The following AS3MT variants were observed in gnomAD, a reference collection of about 807,000 sequenced individuals.
The protein encoded by AS3MT is S-adenosyl-L-methionine:arsenic(III) methyltransferase.
In AS3MT, 47 loss-of-function variants were observed where a neutral mutation model predicts 45.3. The ratio of observed to expected loss-of-function variants is 1.04; its 90% CI spans 0.82 to 1.32. The LOEUF (loss-of-function observed/expected upper bound fraction) is 1.32. Among genes scored for constraint, AS3MT ranks in the 40% most tolerant of loss-of-function variants. AS3MT has a pLI of 0.00. For missense variants in AS3MT, 396 were observed against 451.1 expected (o/e 0.88, Z 1.11); for synonymous variants, 141 against 152.8 (o/e 0.92, Z 0.57).
rs1448414240 is a variant in AS3MT, at chr10:102,888,875, A to ATTTTTTT, written c.886-1668_886-1667insTTTTTTT. 1.9e-3 allele frequency among the ~76,000 whole-genome samples: 132 copies of ATTTTTTT among 70,000 alleles called. 2 individuals are homozygous for ATTTTTTT. Among genetic ancestry groups the ATTTTTTT allele is most frequent in the African/African-American group, 6.4e-3 (111 of 17,264 alleles). The allele number at this position is 70,000 out of a possible 152,430, so 45.9% of individuals were successfully genotyped here. A position where few individuals can be genotyped will look rare whatever the true frequency, so the allele number is the denominator to read the frequency against. On this transcript the variant is annotated intron_variant, in intron 9 of 10. Transcript: ENST00000369880. ...CCTATATATATATATATATATATAT[A>ATTTTTTT]TATATATTTTTTTTTTTTTTTTTGA... is the stretch of plus-strand genomic sequence containing the variant.
chr10:102,874,130 G>A (rs959889076), intron 5 of AS3MT, among the ~76,000 whole-genome samples: 4 of 152,136 alleles, frequency 2.6e-5, no homozygotes, highest in Non-Finnish European at 5.9e-5. Flanking sequence ...GCACATGCCT[G>A]TAATCCCAGC....
At chr10:102,897,224 A>C (rs1015675401) in intron 10 of AS3MT, among the ~76,000 whole-genome samples, 1 of 151,480 alleles carries the variant, frequency 6.6e-6, no homozygotes, top group African/African-American at 2.4e-5. Context: ...CTCTACTAAA[A>C]ATACAAAAAA....
chr10:102,876,552 A>G (rs961981071), intron 6 of AS3MT, among the ~76,000 whole-genome samples: 3 of 152,134 alleles, frequency 2.0e-5, no homozygotes, highest in Non-Finnish European at 4.4e-5. Context: ...CATTGGGATT[A>G]GAGGCCTGAG....
chr10:102,876,941 G>A lies in AS3MT; in HGVS notation c.529-13G>A. ...TTAATCATCTTGTTTGGACTAATAT[G>A]CCTCTGTTTCAGCATGGTGGGGAGT... On this transcript the variant is annotated splice_polypyrimidine_tract_variant and intron_variant, in intron 6 of 10. Transcript: ENST00000369880. The A allele has an allele frequency of 1.2e-6, 2 of 1,613,192 alleles. No individual in the cohort carries two copies. The highest frequency in any genetic ancestry group is 1.3e-5 in the African/African-American group (1 of 75,024).
intron 10 of AS3MT, among the ~76,000 whole-genome samples, chr10:102,890,918 G>T (rs1354691646): frequency 6.6e-6 from 1 of 152,042 alleles, no homozygotes; most frequent in African/African-American, 2.4e-5. Flanking sequence ...TCGCCATGTT[G>T]GCCAGGCTGG....
chr10:102,882,267 G>A (rs945484347), intron 9 of AS3MT, among the ~76,000 whole-genome samples: 2 of 151,204 alleles, frequency 1.3e-5, no homozygotes, highest in Non-Finnish European at 3.0e-5. Context: ...GCCCAGGCTG[G>A]TCTTGAACTC....
chr10:102,890,530 A>G lies in AS3MT; in HGVS notation c.886-14A>G. On this transcript the variant is annotated splice_polypyrimidine_tract_variant and intron_variant, in intron 9 of 10. Coordinates refer to ENST00000369880, the MANE Select transcript of AS3MT (RefSeq NM_020682.4). Reference sequence around the variant, plus strand: ...GTTGCAACTCTTAGTATTTTTTTTTATACTACCCTTTAGGAAGGTGAAATT... The same window carrying G: ...GTTGCAACTCTTAGTATTTTTTTTTGTACTACCCTTTAGGAAGGTGAAATT... 6.4e-7 allele frequency: 1 copy of G among 1,566,450 alleles called. No individual in the cohort carries two copies. Among genetic ancestry groups the G allele is most frequent in the Non-Finnish European group, 8.6e-7 (1 of 1,162,982 alleles).
rs1845055455 is a variant in AS3MT at position 102,890,671 on chromosome 10, A to G, written c.1013A>G (p.Glu338Gly). The part of the protein sequence containing the change: ...LPTSGGCSAL[E>G]LKDIITDPFK... ...ACATCTGGAGGCTGTTCTGCTTTGGAGTTAAAGGTTAGTTTGGCTTTCACT... is the reference window on the plus strand; with the variant it reads ...ACATCTGGAGGCTGTTCTGCTTTGGGGTTAAAGGTTAGTTTGGCTTTCACT... Residue 338 changes from glutamate (E) to glycine (G), a missense_variant, in exon 10 of 11, where the codon GAG (glutamate) becomes GGG (glycine). By Grantham distance (98) the Glu-to-Gly change is moderately conservative. Transcript: ENST00000369880. 6.2e-7 allele frequency: 1 copy of G among 1,608,032 alleles called. No individual in the cohort carries two copies. The highest frequency in any genetic ancestry group is 8.5e-7 in the Non-Finnish European group (1 of 1,178,418).
At chr10:102,884,667 C>T (rs1484034093) in intron 9 of AS3MT, among the ~76,000 whole-genome samples, 1 of 152,078 alleles carries the variant, frequency 6.6e-6, no homozygotes, top group Non-Finnish European at 1.5e-5. Flanking sequence ...CTGTCTCAGC[C>T]TCCTGAGTAG....
intron 6 of AS3MT, among the ~76,000 whole-genome samples, 154 bp from the exon 7 acceptor site, chr10:102,876,800 A>T: frequency 6.6e-6 from 1 of 152,220 alleles, no homozygotes. Context: ...ATTGATTGTA[A>T]CTAAAGAGGC....
chr10:102,872,306 C>A, intron 3 of AS3MT, 142 bp from the exon 4 acceptor site: 2 of 857,092 alleles, frequency 2.3e-6, no homozygotes, highest in South Asian at 1.6e-5. Flanking sequence ...GACTAAACAT[C>A]AGAAGTATGA....
chr10:102,877,123 T>G (rs1844795663), intron 7 of AS3MT, 88 bp downstream of exon 7: 1 of 1,253,210 alleles, frequency 8.0e-7, no homozygotes, highest in Admixed American at 1.7e-5. Flanking sequence ...TGAGGCTATA[T>G]GAGATCACAT....
intron 9 of AS3MT, chr10:102,888,016 G>T: frequency 6.3e-6 from 1 of 157,790 alleles, no homozygotes; most frequent in South Asian, 1.9e-4. Context: ...AAGTCACAGT[G>T]ATCTTGCTGT....
intron 5 of AS3MT, among the ~76,000 whole-genome samples, chr10:102,874,256 G>GAA (rs751101745): frequency 7.1e-6 from 1 of 140,016 alleles, no homozygotes; most frequent in Non-Finnish European, 1.6e-5. Flanking sequence ...ATCCTCTCGG[G>GAA]AAAAAAAAAA....
intron 9 of AS3MT, among the ~76,000 whole-genome samples, chr10:102,885,076 C>G (rs1165512347): frequency 6.6e-6 from 1 of 152,058 alleles, no homozygotes; most frequent in Non-Finnish European, 1.5e-5. Context: ...CCATCGAACA[C>G]TAGGTCTTAT....
At chr10:102,889,685 C>T (rs933762108) in intron 9 of AS3MT, among the ~76,000 whole-genome samples, 5 of 144,188 alleles carry the variant, frequency 3.5e-5, no homozygotes, top group Admixed American at 1.4e-4. Flanking sequence ...CCACCCCCCC[C>T]GCCCCTTTCA....
intron 9 of AS3MT, among the ~76,000 whole-genome samples, chr10:102,888,881 A>ATTT (rs869038434): frequency 5.7e-5 from 3 of 52,522 alleles, no homozygotes; most frequent in African/African-American, 2.1e-4. Flanking sequence ...ATATATATAT[A>ATTT]TTTTTTTTTT....
chr10:102,894,389 C>T (rs1845128040), intron 10 of AS3MT, among the ~76,000 whole-genome samples: 1 of 151,734 alleles, frequency 6.6e-6, no homozygotes, highest in Non-Finnish European at 1.5e-5. Context: ...TGCCACTGCA[C>T]TCTAACCTGG....
chr10:102,884,600 G>A (rs1307908115), intron 9 of AS3MT, among the ~76,000 whole-genome samples: 1 of 152,152 alleles, frequency 6.6e-6, no homozygotes, highest in African/African-American at 2.4e-5. Context: ...AGGCTGGAGT[G>A]CAGTGGCGTG....
Sources: gnomAD v4.1 joint callset for allele counts (sites outside exome capture counted in the v4.1 genomes callset) on GRCh38, gnomAD v4.1.1 for gene constraint, MANE v1.5 for transcripts, NCBI Gene and HGNC (gene_info 2026-07-23, HGNC 2026-07-21) for gene names.